FSTL1: variants seen among roughly 807,000 people sequenced by gnomAD.
The protein encoded by FSTL1 is follistatin like 1, also known as follistatin-related protein 1.
In FSTL1, 24 loss-of-function variants were observed where a neutral mutation model predicts 45.9. That is an observed-to-expected ratio of 0.52 (90% CI 0.38 to 0.74). The LOEUF is 0.74. Ranked by LOEUF, FSTL1 falls within the 30% of genes least tolerant of loss-of-function variation. The pLI is 0.00. For missense variants in FSTL1, 340 were observed against 381.8 expected (o/e 0.89, Z 0.91); for synonymous variants, 120 against 137.6 (o/e 0.87, Z 0.89).
At chr3:120,403,174 C>G in intron 8 of FSTL1, 68 bp downstream of exon 8, 1 of 895,804 alleles carries the variant, frequency 1.1e-6, no homozygotes, top group Non-Finnish European at 1.9e-6. Context: ...TCCACCAATC[C>G]TCTCTATCTT....
At chr3:120,419,990 G>C (rs551277742) in intron 2 of FSTL1, among the ~76,000 whole-genome samples, 1 of 152,130 alleles carries the variant, frequency 6.6e-6, no homozygotes, top group Non-Finnish European at 1.5e-5. Context: ...GCTCTGTGAC[G>C]CATGGAGGCC....
At chr3:120,403,939 A>AAAAAAC (rs1936886666) in intron 7 of FSTL1, among the ~76,000 whole-genome samples, 129 of 115,612 alleles carry the variant, frequency 1.1e-3, no homozygotes, top group African/African-American at 3.7e-3. Context: ...AAAAAAAAAA[A>AAAAAAC]AAAAACAAAA....
intron 2 of FSTL1, among the ~76,000 whole-genome samples, chr3:120,434,946 C>T (rs750031732): frequency 3.3e-5 from 5 of 152,156 alleles, no homozygotes; most frequent in East Asian, 1.9e-4. Flanking sequence ...CAGCCAGGCA[C>T]GGTGGCTCAT....
chr3:120,405,398 T>C (rs917699857), intron 6 of FSTL1, among the ~76,000 whole-genome samples: 1 of 152,236 alleles, frequency 6.6e-6, no homozygotes, highest in Non-Finnish European at 1.5e-5. Context: ...ATGTTTCTAA[T>C]GAGCTGCTCA....
At chr3:120,447,487 G>C (rs1030243238) in intron 2 of FSTL1, among the ~76,000 whole-genome samples, 1 of 152,174 alleles carries the variant, frequency 6.6e-6, no homozygotes, top group African/African-American at 2.4e-5. Context: ...GGATGTGGCA[G>C]AATCTGGAGG....
At chr3:120,398,948 C>T (rs1450494809) in intron 10 of FSTL1, among the ~76,000 whole-genome samples, 2 of 152,154 alleles carry the variant, frequency 1.3e-5, no homozygotes, top group Non-Finnish European at 2.9e-5. Context: ...AAACAACCGA[C>T]ATGAGATTTC....
chr3:120,399,959 C>T lies in FSTL1; in HGVS notation c.806G>A (p.Gly269Glu). ...NWVCTAMTCD[G>E]KNQKGAQTQT... ...GGTCTGGGCCCCCTTCTGATTCTTT[C>T]CTGCAAGAAGAACCAAAGCTCAGAG... Residue 269 changes from glycine to glutamate, a missense_variant and splice_region_variant, in exon 10 of 11, where the codon GGA becomes GAA. Gly to Glu is a moderately conservative substitution (Grantham distance 98). Transcript: ENST00000295633. 6.2e-7 allele frequency: 1 copy of T among 1,602,930 alleles called. No individual in the cohort carries two copies. Among genetic ancestry groups the T allele is most frequent in the Non-Finnish European group, 8.5e-7 (1 of 1,173,104 alleles).
intron 2 of FSTL1, among the ~76,000 whole-genome samples, chr3:120,424,449 TAGA>T (rs1211006284): frequency 1.2e-4 from 18 of 152,112 alleles, no homozygotes; most frequent in Non-Finnish European, 7.3e-5. Flanking sequence ...TGGGACTTCA[TAGA>T]AGAGATGGGA....
rs1396348427 is a variant in FSTL1 at position 120,395,997 on chromosome 3, T to G, written c.*955A>C. 6.9e-5 allele frequency: 20 copies of G among 290,004 alleles called. No homozygotes were observed. In the East Asian group the frequency reaches 2.2e-3, roughly 32 times the overall value. The allele number at this position is 290,004 out of a possible 1,614,324, so 18.0% of individuals were successfully genotyped here. A position where few individuals can be genotyped will look rare whatever the true frequency, so the allele number is the denominator to read the frequency against. ...TCTTGAAAGTTTTTTATGAAGATGC[T>G]TCTTCCCCTGGCTTCGGTCTAAGGC... On this transcript the variant is annotated 3_prime_UTR_variant, in exon 11 of 11. Transcript: ENST00000295633.
intron 1 of FSTL1, 49 bp from the exon 2 acceptor site, chr3:120,450,795 G>C (rs1386486797): frequency 7.3e-7 from 1 of 1,369,858 alleles, no homozygotes; most frequent in East Asian, 2.8e-5. Flanking sequence ...GCCCCGCGCT[G>C]ACCTGGGAAA....
At chr3:120,411,758 G>A (rs1047436169) in intron 4 of FSTL1, 96 bp downstream of exon 4, 8 of 1,084,754 alleles carry the variant, frequency 7.4e-6, no homozygotes, top group South Asian at 5.9e-5. Context: ...GGCTGTGGTC[G>A]TGGAGGAAAG....
chr3:120,431,904 CA>C (rs1937485550), intron 2 of FSTL1, among the ~76,000 whole-genome samples: 1 of 152,166 alleles, frequency 6.6e-6, no homozygotes, highest in African/African-American at 2.4e-5. Context: ...AGGCAGGCGT[CA>C]TGGGCACTTA....
chr3:120,418,875 G>C (rs1937232453), intron 2 of FSTL1, among the ~76,000 whole-genome samples: 1 of 152,216 alleles, frequency 6.6e-6, no homozygotes, highest in East Asian at 1.9e-4. Flanking sequence ...TTTATTTTCA[G>C]ACAACTTTCC....
intron 10 of FSTL1, among the ~76,000 whole-genome samples, chr3:120,398,485 C>A (rs548842502): frequency 1.3e-5 from 2 of 152,352 alleles, no homozygotes; most frequent in Admixed American, 1.3e-4. Flanking sequence ...CAGCCCTCAG[C>A]CAATGGCTAA....
intron 10 of FSTL1, among the ~76,000 whole-genome samples, chr3:120,397,486 A>T (rs1214627643): frequency 6.6e-6 from 1 of 152,248 alleles, no homozygotes; most frequent in Non-Finnish European, 1.5e-5. Flanking sequence ...ATCTCTTACA[A>T]CAGTGCCTGG....
chr3:120,417,487 A>G (rs990175493), intron 2 of FSTL1, among the ~76,000 whole-genome samples: 84 of 152,114 alleles, frequency 5.5e-4, no homozygotes, highest in African/African-American at 1.7e-3. Flanking sequence ...CTGTTGATAA[A>G]CCAATTCTTT....
chr3:120,400,343 T>C (rs1936797010), intron 9 of FSTL1, among the ~76,000 whole-genome samples: 1 of 152,232 alleles, frequency 6.6e-6, no homozygotes, highest in Non-Finnish European at 1.5e-5. Context: ...TTTGAAAAGA[T>C]AGCTGTCTAG....
intron 2 of FSTL1, among the ~76,000 whole-genome samples, chr3:120,444,481 T>G (rs1937694875): frequency 6.7e-6 from 1 of 149,598 alleles, no homozygotes. Flanking sequence ...GTCTGTGCCA[T>G]CTCTGAAAGG....
At chr3:120,422,835 C>T (rs1937304900) in intron 2 of FSTL1, among the ~76,000 whole-genome samples, 1 of 152,086 alleles carries the variant, frequency 6.6e-6, no homozygotes, top group African/African-American at 2.4e-5. Context: ...GCTGAGATTA[C>T]AGGCACACGC....
Sources: gnomAD v4.1 joint callset for allele counts (sites outside exome capture counted in the v4.1 genomes callset) on GRCh38, gnomAD v4.1.1 for gene constraint, MANE v1.5 for transcripts, NCBI Gene and HGNC (gene_info 2026-07-23, HGNC 2026-07-21) for gene names.